Variants in SND1 observed in about 807,000 individuals in gnomAD.
The protein encoded by SND1 is staphylococcal nuclease domain-containing protein 1.
SND1 carries 38 observed loss-of-function variants against 121.7 expected under a neutral mutation model. The observed-to-expected ratio is 0.31, with a 90% CI of 0.24 to 0.41. The LOEUF (loss-of-function observed/expected upper bound fraction) is 0.41. Ranked by LOEUF, SND1 falls within the 10% of genes least tolerant of loss-of-function variation. The probability of loss-of-function intolerance (pLI) is 1.00; values close to 1 mark genes in which losing one functional copy is unlikely to be tolerated. For missense variants in SND1, 868 were observed against 1,184.6 expected, an observed-to-expected ratio of 0.73 and a Z score of 3.92; for synonymous variants, 401 against 447.4, an observed-to-expected ratio of 0.90 and a Z score of 1.31.
chr7:127,755,954 A>T (rs1202804454), intron 10 of SND1, among the ~76,000 whole-genome samples: 1 of 152,240 alleles, frequency 6.6e-6, no homozygotes, highest in African/African-American at 2.4e-5. Context: ...TGGGAAGTCT[A>T]TTAATTTTTT....
chr7:127,748,328 A>G (rs566677911), intron 10 of SND1, among the ~76,000 whole-genome samples: 1 of 152,190 alleles, frequency 6.6e-6, no homozygotes, highest in Non-Finnish European at 1.5e-5. Context: ...CTTGTGTACA[A>G]GGTACTGTCC....
At chr7:127,910,110 C>T (rs1302211108) in intron 14 of SND1, among the ~76,000 whole-genome samples, 2 of 151,990 alleles carry the variant, frequency 1.3e-5, no homozygotes, top group South Asian at 2.1e-4. Flanking sequence ...TTGATGGAAG[C>T]ATAAGAAAAA....
At chr7:127,757,930 T>C (rs1054571950) in intron 10 of SND1, among the ~76,000 whole-genome samples, 3 of 152,210 alleles carry the variant, frequency 2.0e-5, no homozygotes, top group African/African-American at 7.2e-5. Flanking sequence ...TTTCTTGTCT[T>C]CTCTTTATTT....
chr7:127,936,842 T>C (rs948614455), intron 15 of SND1, among the ~76,000 whole-genome samples: 2 of 152,228 alleles, frequency 1.3e-5, no homozygotes, highest in African/African-American at 4.8e-5. Flanking sequence ...CCATGACACA[T>C]GGCCTCACAT....
intron 10 of SND1, among the ~76,000 whole-genome samples, chr7:127,752,671 C>T (rs946657327): frequency 5.9e-5 from 9 of 152,240 alleles, no homozygotes; most frequent in Non-Finnish European, 8.8e-5. Flanking sequence ...CTATTCAACT[C>T]TGCCATTGTA....
At chr7:127,653,634 C>A (rs1180270773) in intron 1 of SND1, among the ~76,000 whole-genome samples, 1 of 152,046 alleles carries the variant, frequency 6.6e-6, no homozygotes, top group Non-Finnish European at 1.5e-5. Context: ...CATAGCAAGA[C>A]CCAGTTTAAA....
chr7:127,991,325 C>G (rs1802519952), intron 16 of SND1, among the ~76,000 whole-genome samples: 1 of 152,234 alleles, frequency 6.6e-6, no homozygotes, highest in Non-Finnish European at 1.5e-5. Context: ...GAGCTTACAT[C>G]TTTGCATTCT....
At chr7:127,858,128 C>T (rs1484229454) in intron 12 of SND1, 1 of 866,382 alleles carries the variant, frequency 1.2e-6, no homozygotes, top group African/African-American at 1.6e-5. Context: ...GCGAACATGT[C>T]TAGGGAGTGT....
chr7:127,741,346 T>A (rs1424115683), intron 10 of SND1, among the ~76,000 whole-genome samples: 3 of 152,270 alleles, frequency 2.0e-5, no homozygotes, highest in Non-Finnish European at 4.4e-5. Flanking sequence ...TTTTATAAGA[T>A]GGCTCCTTGA....
chr7:127,755,373 T>C (rs577835740), intron 10 of SND1, among the ~76,000 whole-genome samples: 11 of 152,336 alleles, frequency 7.2e-5, no homozygotes, highest in African/African-American at 1.7e-4. Flanking sequence ...TTTTCTTCCT[T>C]CTTTCTCCCT....
chr7:127,910,955 A>G (rs1356761890), intron 14 of SND1, among the ~76,000 whole-genome samples: 1 of 152,012 alleles, frequency 6.6e-6, no homozygotes, highest in African/African-American at 2.4e-5. Context: ...TCCCAAAGGA[A>G]CTCTGGAAGA....
intron 9 of SND1, among the ~76,000 whole-genome samples, chr7:127,710,285 C>T (rs1171384620): frequency 6.6e-6 from 1 of 152,006 alleles, no homozygotes. Context: ...AACTGCGTGG[C>T]CTGCAAAGCC....
chr7:127,880,585 A>T (rs1262237927), intron 12 of SND1, among the ~76,000 whole-genome samples: 1 of 152,114 alleles, frequency 6.6e-6, no homozygotes, highest in Non-Finnish European at 1.5e-5. Flanking sequence ...TCTGATCTCC[A>T]TGGATGCCTC....
intron 1 of SND1, among the ~76,000 whole-genome samples, chr7:127,655,852 C>G (rs1474494514): frequency 2.6e-5 from 4 of 152,072 alleles, no homozygotes; most frequent in Non-Finnish European, 5.9e-5. Flanking sequence ...GTTTACATGT[C>G]TTGTCAAGCA....
chr7:127,948,770 T>G (rs1801391624), intron 15 of SND1, among the ~76,000 whole-genome samples: 1 of 152,210 alleles, frequency 6.6e-6, no homozygotes, highest in Admixed American at 6.5e-5. Context: ...CTCAAATGTC[T>G]CCCAGATATT....
intron 16 of SND1, among the ~76,000 whole-genome samples, chr7:128,023,365 G>A (rs922034375): frequency 4.6e-5 from 7 of 152,140 alleles, no homozygotes; most frequent in Admixed American, 4.6e-4. Context: ...TGAGTAATAA[G>A]GCTATGACTG....
chr7:127,713,209 G>A (rs1796326778), intron 9 of SND1, among the ~76,000 whole-genome samples: 1 of 152,226 alleles, frequency 6.6e-6, no homozygotes, highest in Non-Finnish European at 1.5e-5. Context: ...AATGGTTGTG[G>A]CAATATTCCA....
chr7:127,872,628 GCA>G (rs56324746), intron 12 of SND1, among the ~76,000 whole-genome samples: 27,051 of 139,640 alleles, frequency 0.19, 2,438 homozygotes, highest in South Asian at 0.24. Flanking sequence ...TAACACACAC[GCA>G]CACACACACA....
intron 15 of SND1, 140 bp downstream of exon 15, chr7:127,929,469 A>T (rs1800916610): frequency 1.2e-6 from 1 of 835,724 alleles, no homozygotes; most frequent in Non-Finnish European, 1.9e-6. Context: ...ATGCAAACAC[A>T]GTTTCTAGAT....
Sources: gnomAD v4.1 joint callset for allele counts (sites outside exome capture counted in the v4.1 genomes callset) on GRCh38, gnomAD v4.1.1 for gene constraint, MANE v1.5 for transcripts, NCBI Gene and HGNC (gene_info 2026-07-23, HGNC 2026-07-21) for gene names.